The following KLHDC4 variants were observed in gnomAD, a reference collection of about 807,000 sequenced individuals.
The protein encoded by KLHDC4 is kelch domain containing 4.
A neutral mutation model predicts 62.4 loss-of-function variants in KLHDC4; 90 were observed. The ratio of observed to expected loss-of-function variants is 1.44; its 90% CI spans 1.22 to 1.72. KLHDC4 has a LOEUF of 1.72. KLHDC4 is among the 40% of genes most tolerant of loss of function. The probability of loss-of-function intolerance (pLI) is 0.00; values close to 1 mark genes in which losing one functional copy is unlikely to be tolerated. For synonymous variants in KLHDC4, 386 were observed against 284.4 expected, an observed-to-expected ratio of 1.36 and a Z score of -3.59; for missense variants, 1,025 against 699.7, an observed-to-expected ratio of 1.47 and a Z score of -5.25.
Position 87,765,787 on chromosome 16 carries a change from C to T in KLHDC4, c.99+5G>A, listed in dbSNP as rs1354419971. 2.5e-6 allele frequency: 4 copies of T among 1,569,890 alleles called. No individual in the cohort carries two copies. Among genetic ancestry groups the T allele is most frequent in the Non-Finnish European group, 3.5e-6 (4 of 1,157,464 alleles). ...GGGCCGCTAAGCCCGGTCTGACCCG[C>T]TCACCTCCTCCTTCCGCGAGCGCTT... On this transcript the variant is annotated splice_donor_5th_base_variant and intron_variant, in intron 1 of 11. Transcript: ENST00000270583.
chr16:87,733,581 G>A (rs113096451), intron 5 of KLHDC4, among the ~76,000 whole-genome samples: 1 of 148,726 alleles, frequency 6.7e-6, no homozygotes, highest in African/African-American at 2.6e-5. Flanking sequence ...CCTCACTGAT[G>A]ACCTGCCTCG....
At chr16:87,764,123 G>A (rs931474842) in intron 1 of KLHDC4, among the ~76,000 whole-genome samples, 1 of 152,196 alleles carries the variant, frequency 6.6e-6, no homozygotes, top group Admixed American at 6.5e-5. Context: ...GAAAGAATGG[G>A]ATACCACTCT....
At chr16:87,755,107 C>T in intron 4 of KLHDC4, 87 bp downstream of exon 4, 1 of 876,266 alleles carries the variant, frequency 1.1e-6, no homozygotes, top group Non-Finnish European at 1.9e-6. Context: ...TCCGCACCAG[C>T]TGCCTGTCAC....
At chr16:87,708,538 G>T in intron 10 of KLHDC4, 72 bp from the exon 11 acceptor site, 2 of 1,126,498 alleles carry the variant, frequency 1.8e-6, no homozygotes, top group Non-Finnish European at 2.5e-6. Flanking sequence ...CGGGACGGTG[G>T]TGGCTACGTC....
intron 5 of KLHDC4, among the ~76,000 whole-genome samples, chr16:87,741,862 A>T (rs2042291054): frequency 6.6e-6 from 1 of 152,194 alleles, no homozygotes; most frequent in African/African-American, 2.4e-5. Context: ...TCCCCCACAG[A>T]AGTAAAAAAT....
chr16:87,755,402 T>C (rs769822829), intron 3 of KLHDC4, 110 bp from the exon 4 acceptor site: 3 of 637,946 alleles, frequency 4.7e-6, no homozygotes, highest in South Asian at 1.8e-5. Context: ...GCTAAAGGAA[T>C]GTAAACCATA....
chr16:87,761,132 A>G (rs2045829707), intron 2 of KLHDC4, among the ~76,000 whole-genome samples: 1 of 152,252 alleles, frequency 6.6e-6, no homozygotes, highest in Admixed American at 6.5e-5. Flanking sequence ...ATCCTAATGG[A>G]CATGAAGTGA....
At chr16:87,719,682 A>AC (rs944915039) in intron 7 of KLHDC4, among the ~76,000 whole-genome samples, 1 of 151,578 alleles carries the variant, frequency 6.6e-6, no homozygotes, top group African/African-American at 2.4e-5. Context: ...AAAAAAAAAA[A>AC]CAAAAAACTG....
intron 7 of KLHDC4, among the ~76,000 whole-genome samples, chr16:87,724,782 A>AACACCC (rs1311021772): frequency 1.3e-5 from 2 of 152,100 alleles, no homozygotes; most frequent in Non-Finnish European, 2.9e-5. Flanking sequence ...CTTATTAAAT[A>AACACCC]ACACCCACAC....
intron 7 of KLHDC4, among the ~76,000 whole-genome samples, chr16:87,723,233 A>G (rs1413599479): frequency 6.6e-6 from 1 of 152,182 alleles, no homozygotes; most frequent in Non-Finnish European, 1.5e-5. Context: ...TCACAACTCA[A>G]ATCTCTCGCT....
chr16:87,728,558 T>C (rs527412166), intron 6 of KLHDC4, among the ~76,000 whole-genome samples: 1 of 152,360 alleles, frequency 6.6e-6, no homozygotes, highest in East Asian at 1.9e-4. Context: ...ATTTGATTTA[T>C]AACCTGTAAG....
intron 9 of KLHDC4, chr16:87,710,933 A>G: frequency 2.7e-6 from 1 of 370,974 alleles, no homozygotes. Context: ...GGTCCACACC[A>G]GGACCTCCAG....
chr16:87,744,416 C>CAA (rs34553451), intron 5 of KLHDC4, among the ~76,000 whole-genome samples: 7 of 108,316 alleles, frequency 6.5e-5, no homozygotes, highest in African/African-American at 1.7e-4. Flanking sequence ...ACTCCGTCTC[C>CAA]AAAAAAAAAA....
chr16:87,754,032 G>C (rs973055501), intron 4 of KLHDC4, among the ~76,000 whole-genome samples: 17 of 150,022 alleles, frequency 1.1e-4, no homozygotes, highest in Non-Finnish European at 2.2e-4. Context: ...CCCAGCTACT[G>C]GGGAGGCTGA....
At chr16:87,742,518 C>G (rs1259239472) in intron 5 of KLHDC4, among the ~76,000 whole-genome samples, 1 of 152,212 alleles carries the variant, frequency 6.6e-6, no homozygotes, top group African/African-American at 2.4e-5. Context: ...TTCCACCAGT[C>G]ACAGAGGCTG....
rs769395115 is a variant in KLHDC4 at position 87,711,217 on chromosome 16, A to G, written c.1044+18T>C. The G allele has an allele frequency of 1.1e-5, 17 of 1,612,996 alleles. No homozygotes were observed. The highest frequency in any genetic ancestry group is 1.4e-5 in the Non-Finnish European group (16 of 1,179,334). Reference sequence around the variant, plus strand: ...AGGGCTGCGCACCACGGCGCATGCTACTCAGAGGTTGCACTACCTTCAGCT... The same window carrying G: ...AGGGCTGCGCACCACGGCGCATGCTGCTCAGAGGTTGCACTACCTTCAGCT... On this transcript the variant is annotated intron_variant, in intron 9 of 11. Transcript: ENST00000270583.
downstream of KLHDC4, among the ~76,000 whole-genome samples, chr16:87,706,245 AAC>A (rs1179076227): frequency 9.9e-5 from 10 of 101,240 alleles, no homozygotes; most frequent in Non-Finnish European, 1.9e-4. Flanking sequence ...GCGCAATGCA[AAC>A]ACAAGCTGCA....
At chr16:87,754,814 C>T (rs923556008) in intron 4 of KLHDC4, among the ~76,000 whole-genome samples, 4 of 152,194 alleles carry the variant, frequency 2.6e-5, no homozygotes, top group South Asian at 2.1e-4. Context: ...CACTCGTTTC[C>T]GCTAATACAA....
intron 5 of KLHDC4, among the ~76,000 whole-genome samples, chr16:87,734,908 C>T (rs892971761): frequency 2.0e-5 from 3 of 151,730 alleles, no homozygotes; most frequent in African/African-American, 4.8e-5. Flanking sequence ...AAGAAAAGAA[C>T]GCCCCTCCCC....
Sources: allele counts gnomAD v4.1 joint callset (sites outside exome capture counted in the v4.1 genomes callset), GRCh38; gene constraint gnomAD v4.1.1; transcripts MANE v1.5; gene names NCBI Gene and HGNC (gene_info 2026-07-23, HGNC 2026-07-21).